The following CHCHD6 variants were observed in gnomAD, a reference collection of about 807,000 sequenced individuals.
CHCHD6 encodes the protein coiled-coil-helix-coiled-coil-helix domain containing 6, also known as MICOS complex subunit MIC25.
Under a neutral mutation model 32.3 loss-of-function variants are expected in CHCHD6, and 28 were observed. The observed-to-expected ratio is 0.87, with a 90% CI of 0.64 to 1.19. The LOEUF (loss-of-function observed/expected upper bound fraction) is 1.19. CHCHD6 is among the 50% of genes most tolerant of loss of function. CHCHD6 has a pLI of 0.00. For synonymous variants in CHCHD6, 122 were observed against 117.5 expected, an observed-to-expected ratio of 1.04 and a Z score of -0.25; for missense variants, 333 against 307.0, an observed-to-expected ratio of 1.08 and a Z score of -0.63.
intron 5 of CHCHD6, among the ~76,000 whole-genome samples, chr3:126,891,317 G>A (rs911568642): frequency 6.6e-6 from 1 of 152,064 alleles, no homozygotes; most frequent in Admixed American, 6.6e-5. Context: ...ATCTGGACCC[G>A]AGCTCTGGGA....
At chr3:126,798,627 G>A (rs892105145) in intron 4 of CHCHD6, among the ~76,000 whole-genome samples, 29 of 151,994 alleles carry the variant, frequency 1.9e-4, no homozygotes, top group Non-Finnish European at 3.7e-4. Flanking sequence ...GAGCTGCTCC[G>A]GAACCCTCCT....
At chr3:126,812,282 C>G (rs745946362) in intron 4 of CHCHD6, among the ~76,000 whole-genome samples, 3 of 144,112 alleles carry the variant, frequency 2.1e-5, no homozygotes, top group Non-Finnish European at 4.6e-5. Flanking sequence ...CCCCTTCTCT[C>G]TGTGGCCTGA....
intron 4 of CHCHD6, among the ~76,000 whole-genome samples, chr3:126,749,475 A>G (rs1231989070): frequency 6.6e-6 from 1 of 152,080 alleles, no homozygotes; most frequent in Non-Finnish European, 1.5e-5. Context: ...TGACAAGGAG[A>G]TGCCTAGACT....
chr3:126,770,453 A>G (rs1213988510), intron 4 of CHCHD6, among the ~76,000 whole-genome samples: 1 of 152,180 alleles, frequency 6.6e-6, no homozygotes, highest in Non-Finnish European at 1.5e-5. Flanking sequence ...ACAATATGAT[A>G]CTGGATGTGG....
intron 4 of CHCHD6, among the ~76,000 whole-genome samples, chr3:126,829,953 C>T (rs768195506): frequency 2.6e-5 from 4 of 152,070 alleles, no homozygotes; most frequent in Non-Finnish European, 5.9e-5. Context: ...GAAAAATTAG[C>T]TGGGTGTTGT....
chr3:126,923,715 CCTTA>C (rs1159741577), intron 6 of CHCHD6, among the ~76,000 whole-genome samples: 3 of 152,216 alleles, frequency 2.0e-5, no homozygotes, highest in African/African-American at 7.2e-5. Context: ...GACACACTTC[CCTTA>C]CTTCTAAAGG....
At chr3:126,767,051 T>C (rs1355424358) in intron 4 of CHCHD6, 7 of 963,068 alleles carry the variant, frequency 7.3e-6, no homozygotes, top group African/African-American at 6.4e-5. Flanking sequence ...GGTCACTCAA[T>C]GGGGAACCAG....
intron 5 of CHCHD6, among the ~76,000 whole-genome samples, chr3:126,888,618 T>A (rs1302459423): frequency 1.3e-5 from 2 of 152,042 alleles, no homozygotes; most frequent in Non-Finnish European, 2.9e-5. Context: ...CTGAAAATGA[T>A]CAGAAGAGCC....
chr3:126,785,615 T>A (rs542887525), intron 4 of CHCHD6, among the ~76,000 whole-genome samples: 2 of 152,334 alleles, frequency 1.3e-5, no homozygotes, highest in East Asian at 3.9e-4. Context: ...TAATATAAAA[T>A]TAACCATCTT....
chr3:126,797,565 A>G (rs1263954057), intron 4 of CHCHD6, among the ~76,000 whole-genome samples: 2 of 152,224 alleles, frequency 1.3e-5, no homozygotes, highest in East Asian at 3.9e-4. Context: ...CTTAATGCCT[A>G]TCTTGGGACC....
intron 5 of CHCHD6, among the ~76,000 whole-genome samples, chr3:126,901,482 C>T (rs898782376): frequency 2.0e-5 from 3 of 152,166 alleles, no homozygotes; most frequent in Non-Finnish European, 4.4e-5. Context: ...TCTAGAAGTA[C>T]ATGGATTCCC....
intron 4 of CHCHD6, among the ~76,000 whole-genome samples, chr3:126,803,163 G>A (rs1336876333): frequency 6.6e-6 from 1 of 151,290 alleles, no homozygotes; most frequent in Non-Finnish European, 1.5e-5. Flanking sequence ...CAACTAACGA[G>A]CAAAATAACC....
intron 5 of CHCHD6, among the ~76,000 whole-genome samples, chr3:126,863,438 T>A (rs1352454434): frequency 2.6e-5 from 1 of 38,696 alleles, no homozygotes; most frequent in South Asian, 9.4e-4. Context: ...TCCTCCACCA[T>A]CACCTCCTCC....
intron 4 of CHCHD6, among the ~76,000 whole-genome samples, chr3:126,830,058 A>G (rs931251221): frequency 6.6e-6 from 1 of 152,232 alleles, no homozygotes; most frequent in South Asian, 2.1e-4. Context: ...AGATCGCACC[A>G]CTGCACTCCA....
intron 5 of CHCHD6, among the ~76,000 whole-genome samples, chr3:126,893,187 G>A (rs893419532): frequency 2.6e-5 from 4 of 152,092 alleles, no homozygotes; most frequent in African/African-American, 9.7e-5. Flanking sequence ...TCGAACTCCT[G>A]GCCTCAAGTG....
intron 4 of CHCHD6, among the ~76,000 whole-genome samples, chr3:126,843,066 G>A (rs1269607041): frequency 1.3e-5 from 2 of 151,870 alleles, no homozygotes. Flanking sequence ...TTTTTGGTAC[G>A]TGTCCTTCAT....
chr3:126,914,352 C>T (rs2078138634), intron 5 of CHCHD6, among the ~76,000 whole-genome samples: 1 of 152,162 alleles, frequency 6.6e-6, no homozygotes, highest in Non-Finnish European at 1.5e-5. Flanking sequence ...CAGCCACAGA[C>T]AATATGTGAA....
At chr3:126,839,970 C>T (rs543833377) in intron 4 of CHCHD6, among the ~76,000 whole-genome samples, 6 of 152,284 alleles carry the variant, frequency 3.9e-5, no homozygotes, top group South Asian at 2.1e-4. Flanking sequence ...ACCCCTGCCT[C>T]GGCCCCCAGG....
At position 126,741,651 on chromosome 3, in the gene CHCHD6, C is replaced by T. The variant is rs1343637835; in HGVS notation, c.411+8429C>T. Among the ~76,000 whole-genome samples, 49 of 152,096 alleles carry T rather than the reference C, an allele frequency of 3.2e-4. 1 individual carries two copies. The highest frequency in any genetic ancestry group is 2.6e-3 in the Admixed American group (39 of 15,260). ...TGTTAAAAATGCAGATATTTGGATC[C>T]GATACTGAAACAACTGGATAAGACT... is the stretch of plus-strand genomic sequence containing the variant. On this transcript the variant is annotated intron_variant, in intron 4 of 7. Coordinates refer to ENST00000290913, the MANE Select transcript of CHCHD6 (RefSeq NM_032343.3).
Sources: allele counts gnomAD v4.1 joint callset (sites outside exome capture counted in the v4.1 genomes callset), GRCh38; gene constraint gnomAD v4.1.1; transcripts MANE v1.5; gene names NCBI Gene and HGNC (gene_info 2026-07-23, HGNC 2026-07-21).